Variants in GRIN2A observed in about 807,000 individuals in gnomAD.
The protein encoded by GRIN2A is glutamate receptor ionotropic, NMDA 2A.
In GRIN2A, 22 loss-of-function variants were observed where a neutral mutation model predicts 113.4. The ratio of observed to expected loss-of-function variants is 0.19; its 90% CI spans 0.14 to 0.28. GRIN2A has a LOEUF of 0.28. Ranked by LOEUF, GRIN2A falls within the 10% of genes least tolerant of loss-of-function variation. The pLI, the probability that GRIN2A is intolerant of heterozygous loss-of-function variation, is 1.00. For synonymous variants in GRIN2A, 827 were observed against 738.4 expected (o/e 1.12, Z -1.94); for missense variants, 1,502 against 1,887.0 (o/e 0.80, Z 3.78).
In GRIN2A at chr16:10,100,301, G is replaced by A. The variant is rs145062367; in HGVS notation, c.414+79697C>T. On this transcript the variant is annotated intron_variant, in intron 2 of 12. Transcript: ENST00000330684. ...GTTTGCATTTTGAAAGATCCCACTG[G>A]CTTCAGTAGAGAGGATAGATTTTGA... 1.4e-4 allele frequency among the ~76,000 whole-genome samples: 22 copies of A among 152,314 alleles called. No homozygotes were observed. The East Asian group carries it at 4.3e-3, about 29-fold the overall frequency.
At chr16:9,923,892 C>T (rs976603606) in intron 3 of GRIN2A, among the ~76,000 whole-genome samples, 3 of 151,798 alleles carry the variant, frequency 2.0e-5, no homozygotes, top group Non-Finnish European at 4.4e-5. Flanking sequence ...TTTGGGAGGC[C>T]AAGGTGGGTG....
intron 5 of GRIN2A, among the ~76,000 whole-genome samples, chr16:9,846,799 A>T (rs114664955): frequency 0.01 from 1,573 of 152,266 alleles, 20 homozygotes; most frequent in African/African-American, 0.035. Flanking sequence ...AAAGAAACAG[A>T]TCAGAAAAGA....
chr16:10,077,685 T>C (rs1596482637), intron 2 of GRIN2A, among the ~76,000 whole-genome samples: 1 of 152,142 alleles, frequency 6.6e-6, no homozygotes, highest in East Asian at 1.9e-4. Context: ...TCTGCCCTCA[T>C]CTCCTTCCAT....
At chr16:9,998,583 G>A (rs1217523778) in intron 2 of GRIN2A, among the ~76,000 whole-genome samples, 2 of 152,170 alleles carry the variant, frequency 1.3e-5, no homozygotes, top group Admixed American at 6.5e-5. Flanking sequence ...AAAAAACATA[G>A]AACTGCCAGA....
intron 2 of GRIN2A, among the ~76,000 whole-genome samples, chr16:10,058,763 C>G (rs1055127559): frequency 6.6e-6 from 1 of 152,162 alleles, no homozygotes; most frequent in Non-Finnish European, 1.5e-5. Context: ...GCTCATTCAT[C>G]CCCCAAATTC....
At chr16:10,140,199 T>C (rs1022297578) in intron 2 of GRIN2A, among the ~76,000 whole-genome samples, 1 of 152,254 alleles carries the variant, frequency 6.6e-6, no homozygotes, top group African/African-American at 2.4e-5. Context: ...TGGCAATTGA[T>C]TGTATGCTGT....
intron 4 of GRIN2A, among the ~76,000 whole-genome samples, chr16:9,865,080 G>A (rs1332948010): frequency 6.6e-6 from 1 of 152,124 alleles, no homozygotes; most frequent in Non-Finnish European, 1.5e-5. Context: ...TTTGCTCCAG[G>A]CTTGTCTGAG....
chr16:10,016,157 T>A (rs1430372573), intron 2 of GRIN2A, among the ~76,000 whole-genome samples: 10 of 147,664 alleles, frequency 6.8e-5, no homozygotes, highest in Admixed American at 4.7e-4. Flanking sequence ...AGGCATGGCC[T>A]GAGCACGGGA....
intron 12 of GRIN2A, among the ~76,000 whole-genome samples, chr16:9,768,368 G>T (rs928372878): frequency 6.6e-6 from 1 of 152,124 alleles, no homozygotes; most frequent in Admixed American, 6.5e-5. Flanking sequence ...TTTTTACATG[G>T]AATTAGTTAC....
At chr16:10,003,516 A>G (rs1048176514) in intron 2 of GRIN2A, among the ~76,000 whole-genome samples, 15 of 152,240 alleles carry the variant, frequency 9.9e-5, no homozygotes, top group African/African-American at 3.1e-4. Flanking sequence ...TATTTTGGAT[A>G]TGGAAGGCAG....
At chr16:9,814,970 G>A (rs1292395605) in intron 10 of GRIN2A, among the ~76,000 whole-genome samples, 5 of 149,850 alleles carry the variant, frequency 3.3e-5, no homozygotes, top group Non-Finnish European at 5.9e-5. Context: ...GTGGTGAGCC[G>A]AGATTGTGCC....
intron 2 of GRIN2A, among the ~76,000 whole-genome samples, chr16:10,036,182 G>A (rs555530581): frequency 6.6e-6 from 1 of 152,300 alleles, no homozygotes; most frequent in South Asian, 2.1e-4. Context: ...CAATCACTTT[G>A]TGTGATTGGT....
At chr16:9,793,430 C>CT (rs1902746863) in intron 11 of GRIN2A, among the ~76,000 whole-genome samples, 1 of 152,084 alleles carries the variant, frequency 6.6e-6, no homozygotes, top group Non-Finnish European at 1.5e-5. Flanking sequence ...ATAGATGGGA[C>CT]TTATGGGATC....
intron 2 of GRIN2A, among the ~76,000 whole-genome samples, chr16:10,087,987 G>A (rs1457160460): frequency 6.6e-6 from 1 of 151,636 alleles, no homozygotes; most frequent in Non-Finnish European, 1.5e-5. Context: ...ACCACGCCTG[G>A]CCTTAGCAAA....
chr16:10,112,643 GAGC>G, intron 2 of GRIN2A: 2 of 766,186 alleles, frequency 2.6e-6, no homozygotes, highest in Non-Finnish European at 2.4e-6. Flanking sequence ...CCATGGAGAA[GAGC>G]AGCAGCAGCC....
intron 11 of GRIN2A, among the ~76,000 whole-genome samples, chr16:9,775,314 G>T (rs960581079): frequency 6.6e-6 from 1 of 152,170 alleles, no homozygotes. Context: ...TCTATTTCAT[G>T]TCTGGTCAAG....
chr16:9,930,920 C>T (rs1032168637), intron 3 of GRIN2A, among the ~76,000 whole-genome samples: 1 of 152,108 alleles, frequency 6.6e-6, no homozygotes, highest in Non-Finnish European at 1.5e-5. Context: ...CTTCTATTTC[C>T]CTTTCTGCAG....
intron 4 of GRIN2A, among the ~76,000 whole-genome samples, chr16:9,882,131 T>C (rs1198076485): frequency 2.0e-5 from 3 of 152,010 alleles, no homozygotes; most frequent in African/African-American, 7.2e-5. Flanking sequence ...ATCTTGAAAC[T>C]CACTGGGCCC....
intron 2 of GRIN2A, among the ~76,000 whole-genome samples, chr16:10,083,090 A>G (rs1567285855): frequency 6.6e-6 from 1 of 152,358 alleles, no homozygotes; most frequent in African/African-American, 2.4e-5. Context: ...AACATAAAAA[A>G]ATAAAAAATT....
Sources: allele counts gnomAD v4.1 joint callset (sites outside exome capture counted in the v4.1 genomes callset), GRCh38; gene constraint gnomAD v4.1.1; transcripts MANE v1.5; gene names NCBI Gene and HGNC (gene_info 2026-07-23, HGNC 2026-07-21).